Variants in ENOX1 observed in about 807,000 individuals in gnomAD.
The protein encoded by ENOX1 is candidate growth-related and time keeping constitutive hydroquinone (NADH) oxidase.
A neutral mutation model predicts 82.5 loss-of-function variants in ENOX1; 42 were observed. The ratio of observed to expected loss-of-function variants is 0.51; its 90% CI spans 0.40 to 0.66. ENOX1 has a LOEUF of 0.66. Ranked by LOEUF, ENOX1 falls within the 30% of genes least tolerant of loss-of-function variation. The pLI, the probability that ENOX1 is intolerant of heterozygous loss-of-function variation, is 0.00. For synonymous variants in ENOX1, 271 were observed against 282.2 expected (o/e 0.96, Z 0.40); for missense variants, 608 against 811.6 (o/e 0.75, Z 3.05).
At chr13:43,590,310 GA>G (rs35190100) in intron 2 of ENOX1, among the ~76,000 whole-genome samples, 27,347 of 151,930 alleles carry the variant, frequency 0.18, 4,114 homozygotes, top group African/African-American at 0.41. Flanking sequence ...AGCATAGAGT[GA>G]CAAAGAAAAC....
intron 3 of ENOX1, among the ~76,000 whole-genome samples, chr13:43,415,087 T>C (rs370819018): frequency 4.5e-4 from 69 of 152,192 alleles, no homozygotes; most frequent in South Asian, 8.3e-4. Context: ...AAGTGTTTCA[T>C]TGAAAACAGT....
In ENOX1 at chr13:43,608,962, G is replaced by T. The variant is rs549290751; in HGVS notation, c.-219+58517C>A. On this transcript the variant is annotated intron_variant, in intron 2 of 16. Coordinates refer to ENST00000690772, the MANE Select transcript of ENOX1 (RefSeq NM_001347969.2). ...ATCACTTGAATTTCTAAACCAACTG[G>T]CATCACCCCTTCTAAGCTCTGCCAG... Among the ~76,000 whole-genome samples the T allele has an allele frequency of 1.8e-3, 270 of 152,202 alleles. 1 individual carries two copies. The highest frequency in any genetic ancestry group is 2.7e-3 in the Non-Finnish European group (183 of 68,012).
intron 5 of ENOX1, among the ~76,000 whole-genome samples, chr13:43,408,240 C>A (rs986252460): frequency 6.6e-6 from 1 of 152,118 alleles, no homozygotes; most frequent in African/African-American, 2.4e-5. Context: ...CCTGGGAAAT[C>A]CTTTTGATAA....
chr13:43,588,511 T>C (rs2081094175), intron 2 of ENOX1, among the ~76,000 whole-genome samples: 1 of 152,204 alleles, frequency 6.6e-6, no homozygotes, highest in South Asian at 2.1e-4. Flanking sequence ...AACCCTGTAA[T>C]GTGGACCAGT....
At chr13:43,269,686 A>C in intron 12 of ENOX1, 109 bp from the exon 13 acceptor site, 1 of 850,960 alleles carries the variant, frequency 1.2e-6, no homozygotes, top group Non-Finnish European at 1.9e-6. Flanking sequence ...ACAAGTCTTG[A>C]AGCTTAATTC....
intron 8 of ENOX1, among the ~76,000 whole-genome samples, chr13:43,354,427 G>A (rs566720170): frequency 4.5e-4 from 69 of 151,794 alleles, no homozygotes; most frequent in Non-Finnish European, 6.6e-4. Context: ...TCAAGCCCTG[G>A]ATGGGGGATG....
At chr13:43,343,353 G>A (rs1158768213) in intron 9 of ENOX1, among the ~76,000 whole-genome samples, 4 of 152,148 alleles carry the variant, frequency 2.6e-5, no homozygotes, top group Non-Finnish European at 5.9e-5. Flanking sequence ...CTCAAGGCTG[G>A]TGAATCTAGG....
intron 2 of ENOX1, among the ~76,000 whole-genome samples, chr13:43,558,282 C>T (rs2153703489): frequency 6.6e-6 from 1 of 152,304 alleles, no homozygotes; most frequent in South Asian, 2.1e-4. Flanking sequence ...GCAGAAAGGC[C>T]ATCAGCTGTT....
At chr13:43,395,382 C>A (rs561145722) in intron 5 of ENOX1, among the ~76,000 whole-genome samples, 6 of 152,036 alleles carry the variant, frequency 3.9e-5, no homozygotes, top group Non-Finnish European at 8.8e-5. Context: ...CAAGTGTGGT[C>A]GTGTGTGTTT....
chr13:43,431,104 C>T (rs1298388768), intron 3 of ENOX1, among the ~76,000 whole-genome samples: 4 of 152,124 alleles, frequency 2.6e-5, no homozygotes, highest in Admixed American at 6.5e-5. Flanking sequence ...ACTTCGTTTG[C>T]ATTTTGATTT....
chr13:43,491,023 G>A (rs1012180800), intron 2 of ENOX1, among the ~76,000 whole-genome samples: 1 of 152,132 alleles, frequency 6.6e-6, no homozygotes, highest in African/African-American at 2.4e-5. Flanking sequence ...TAATTCATAA[G>A]CAAAAATTTA....
intron 2 of ENOX1, among the ~76,000 whole-genome samples, chr13:43,568,389 T>C (rs2080013433): frequency 6.6e-6 from 1 of 152,138 alleles, no homozygotes; most frequent in South Asian, 2.1e-4. Flanking sequence ...AGAGTTGTCT[T>C]CAGCAGCCGT....
At chr13:43,422,280 G>T (rs990235400) in intron 3 of ENOX1, among the ~76,000 whole-genome samples, 1 of 152,134 alleles carries the variant, frequency 6.6e-6, no homozygotes, top group Non-Finnish European at 1.5e-5. Flanking sequence ...TCTTGCAGCT[G>T]CTCTTTGAAT....
chr13:43,474,966 G>A (rs1024472246), intron 3 of ENOX1, among the ~76,000 whole-genome samples: 3 of 152,012 alleles, frequency 2.0e-5, no homozygotes, highest in African/African-American at 7.2e-5. Context: ...AGAAGTTGCA[G>A]GTTTGCTGGT....
At chr13:43,461,004 T>C (rs761197831) in intron 3 of ENOX1, among the ~76,000 whole-genome samples, 7 of 152,112 alleles carry the variant, frequency 4.6e-5, no homozygotes, top group Admixed American at 6.6e-5. Flanking sequence ...CAGATGGATA[T>C]ATGAATTTAA....
intron 2 of ENOX1, among the ~76,000 whole-genome samples, chr13:43,515,127 C>T (rs552550657): frequency 1.3e-5 from 2 of 152,110 alleles, no homozygotes; most frequent in East Asian, 1.9e-4. Context: ...AACCAGTACA[C>T]GGCAGAGGTG....
rs1337799771 is a variant in ENOX1, at chr13:43,720,524, T to C, written c.-284-52980A>G. On this transcript the variant is annotated intron_variant, in intron 1 of 16. Transcript: ENST00000690772. ...TTGGACTTACCTTTTTCTCTACTAC[T>C]CAGTGCTGGTGTTATGGGCATGTGA... 2.6e-5 allele frequency among the ~76,000 whole-genome samples: 4 copies of C among 152,314 alleles called. No individual in the cohort carries two copies. The South Asian group carries it at 6.2e-4, about 24-fold the overall frequency.
chr13:43,282,661 G>A (rs923190284), intron 12 of ENOX1, among the ~76,000 whole-genome samples: 1 of 151,692 alleles, frequency 6.6e-6, no homozygotes, highest in Non-Finnish European at 1.5e-5. Flanking sequence ...TGGGCTCAAG[G>A]GATCTGCCTG....
intron 2 of ENOX1, among the ~76,000 whole-genome samples, chr13:43,666,543 C>A (rs891052408): frequency 6.6e-6 from 1 of 152,136 alleles, no homozygotes; most frequent in Non-Finnish European, 1.5e-5. Flanking sequence ...ATGCCTGAGG[C>A]TGCCAGAAGG....
Sources: gnomAD v4.1 joint callset for allele counts (sites outside exome capture counted in the v4.1 genomes callset) on GRCh38, gnomAD v4.1.1 for gene constraint, MANE v1.5 for transcripts, NCBI Gene and HGNC (gene_info 2026-07-23, HGNC 2026-07-21) for gene names.